ENTREP1: variants seen among roughly 807,000 people sequenced by gnomAD.
ENTREP1 encodes the protein endosomal transmembrane epsin interactor 1, also known as Friedreich ataxia region gene X123.
chr9:69,367,854 TATACACAC>T, the ENTREP1 span, among the ~76,000 whole-genome samples: 5 of 102,690 alleles, frequency 4.9e-5, no homozygotes, highest in Non-Finnish European at 4.3e-5. Flanking sequence ...TATATAAATA[TATACACAC>T]ATATATATAA....
At chr9:69,338,290 T>C in the ENTREP1 span, among the ~76,000 whole-genome samples, 1 of 152,194 alleles carries the variant, frequency 6.6e-6, no homozygotes, top group East Asian at 1.9e-4. Flanking sequence ...TTTTGGTTGG[T>C]GTTTATACGA....
chr9:69,336,035 GAAGTAA>G, the ENTREP1 span, among the ~76,000 whole-genome samples: 1 of 152,230 alleles, frequency 6.6e-6, no homozygotes, highest in African/African-American at 2.4e-5. Flanking sequence ...TGAGGGCCTA[GAAGTAA>G]AAGTCCAAAG....
chr9:69,361,154 C>T, the ENTREP1 span, among the ~76,000 whole-genome samples: 1 of 152,056 alleles, frequency 6.6e-6, no homozygotes, highest in East Asian at 1.9e-4. Context: ...GTATATGGTA[C>T]CATGCACAGA....
the ENTREP1 span, among the ~76,000 whole-genome samples, chr9:69,368,283 G>T: frequency 2.6e-5 from 4 of 152,086 alleles, no homozygotes; most frequent in African/African-American, 4.8e-5. Flanking sequence ...AGTTCTTAGA[G>T]GAAAGGCTTT....
At chr9:69,381,927 T>G in the ENTREP1 span, 1 of 152,244 alleles carries the variant, frequency 6.6e-6, no homozygotes, top group African/African-American at 2.4e-5. Flanking sequence ...TCTACAATAG[T>G]TTAGGATCTA....
chr9:69,383,565 G>A, the ENTREP1 span: 1 of 1,600,344 alleles, frequency 6.2e-7, no homozygotes, highest in East Asian at 2.2e-5. Context: ...CAGTATCCGG[G>A]CATCACTGCA....
At chr9:69,391,932 C>A in the ENTREP1 span, 4 of 904,554 alleles carry the variant, frequency 4.4e-6, no homozygotes, top group Non-Finnish European at 6.8e-6. Context: ...CACCTGTTGG[C>A]TCCCGTGTCT....
At chr9:69,333,602 G>T in the ENTREP1 span, among the ~76,000 whole-genome samples, 3 of 152,156 alleles carry the variant, frequency 2.0e-5, no homozygotes, top group African/African-American at 7.2e-5. Context: ...ACTGCGCCTG[G>T]CCAATAATAT....
At chr9:69,374,701 T>C in the ENTREP1 span, among the ~76,000 whole-genome samples, 2 of 152,136 alleles carry the variant, frequency 1.3e-5, no homozygotes, top group Admixed American at 1.3e-4. Flanking sequence ...ATGCTGCTAT[T>C]GAAAGGTGAC....
At chr9:69,377,441 CT>C in the ENTREP1 span, 1 of 1,614,016 alleles carries the variant, frequency 6.2e-7, no homozygotes, top group South Asian at 1.1e-5. Context: ...CTGCCCTCCG[CT>C]ACCTCCAGAT....
chr9:69,377,521 A>C, the ENTREP1 span: 1 of 1,608,346 alleles, frequency 6.2e-7, no homozygotes, highest in East Asian at 2.2e-5. Context: ...CCGCTGAGCC[A>C]GCCCATGGAC....
the ENTREP1 span, among the ~76,000 whole-genome samples, chr9:69,330,535 T>TA: frequency 1.5e-4 from 23 of 152,158 alleles, no homozygotes; most frequent in African/African-American, 3.9e-4. Context: ...TGAACCTTTG[T>TA]AAAAAAAATC....
At chr9:69,333,650 C>T in the ENTREP1 span, among the ~76,000 whole-genome samples, 9 of 152,130 alleles carry the variant, frequency 5.9e-5, no homozygotes, top group African/African-American at 1.4e-4. Context: ...AAAGCTGAAC[C>T]GCAGGGTTCT....
At chr9:69,344,620 G>A in the ENTREP1 span, among the ~76,000 whole-genome samples, 10 of 152,292 alleles carry the variant, frequency 6.6e-5, no homozygotes, top group African/African-American at 1.7e-4. Flanking sequence ...CTGAGGCCAC[G>A]TGCTTATGTT....
chr9:69,325,640 A>G, the ENTREP1 span: 2 of 1,231,300 alleles, frequency 1.6e-6, no homozygotes, highest in African/African-American at 1.6e-5. Context: ...GGGCTGCTGC[A>G]TGGTGGCGCT....
the ENTREP1 span, among the ~76,000 whole-genome samples, chr9:69,375,178 G>A: frequency 2.0e-5 from 3 of 152,232 alleles, no homozygotes; most frequent in African/African-American, 7.2e-5. Flanking sequence ...GGTGTGTGCA[G>A]CCCACATAGG....
the ENTREP1 span, among the ~76,000 whole-genome samples, chr9:69,379,260 G>GC: frequency 1.3e-5 from 2 of 152,192 alleles, no homozygotes; most frequent in Non-Finnish European, 2.9e-5. Flanking sequence ...CAGTGGGGCT[G>GC]CCACCCAGAC....
the ENTREP1 span, chr9:69,381,897 G>A: frequency 3.3e-5 from 5 of 152,170 alleles, no homozygotes; most frequent in African/African-American, 2.4e-5. Context: ...TCTTTCCCCA[G>A]TTGTTCTTCG....
At chr9:69,336,084 G>T in the ENTREP1 span, 1 of 503,446 alleles carries the variant, frequency 2.0e-6, no homozygotes. Flanking sequence ...TAATCCAGGA[G>T]GAATATTAAA....
Sources: allele counts gnomAD v4.1 joint callset (sites outside exome capture counted in the v4.1 genomes callset), GRCh38; gene constraint gnomAD v4.1.1; transcripts MANE v1.5; gene names NCBI Gene and HGNC (gene_info 2026-07-23, HGNC 2026-07-21).